The following HPSE2 variants were observed in gnomAD, a reference collection of about 807,000 sequenced individuals.
HPSE2 encodes the protein inactive heparanase-2.
Under a neutral mutation model 60.5 loss-of-function variants are expected in HPSE2, and 38 were observed. The ratio of observed to expected loss-of-function variants is 0.63; its 90% CI spans 0.48 to 0.82. The LOEUF (loss-of-function observed/expected upper bound fraction) is 0.82, where lower values mean the gene tolerates loss of function less well. HPSE2 is among the 40% of genes least tolerant of loss of function. The pLI, the probability that HPSE2 is intolerant of heterozygous loss-of-function variation, is 0.00. For missense variants in HPSE2, 713 were observed against 740.4 expected, an observed-to-expected ratio of 0.96 and a Z score of 0.43; for synonymous variants, 295 against 293.2, an observed-to-expected ratio of 1.01 and a Z score of -0.06.
At chr10:99,214,127 G>A (rs1005726609) in intron 2 of HPSE2, among the ~76,000 whole-genome samples, 4 of 152,084 alleles carry the variant, frequency 2.6e-5, no homozygotes, top group African/African-American at 9.7e-5. Context: ...ATTAGCCATC[G>A]GGGAATAAAA....
intron 5 of HPSE2, among the ~76,000 whole-genome samples, chr10:98,698,594 A>C (rs976334733): frequency 1.3e-3 from 196 of 152,294 alleles, no homozygotes; most frequent in Non-Finnish European, 2.4e-3. Context: ...GAAAAGCAAG[A>C]GCAAACACAT....
At chr10:98,823,382 G>A (rs1359397024) in intron 3 of HPSE2, among the ~76,000 whole-genome samples, 1 of 152,184 alleles carries the variant, frequency 6.6e-6, no homozygotes, top group African/African-American at 2.4e-5. Flanking sequence ...GCTTTGAGAG[G>A]CCAAGGCAGG....
At chr10:98,482,119 G>T (rs1941259081) in intron 11 of HPSE2, among the ~76,000 whole-genome samples, 1 of 152,160 alleles carries the variant, frequency 6.6e-6, no homozygotes, top group South Asian at 2.1e-4. Context: ...TTAGGGGCAG[G>T]ACAGACTCTT....
In HPSE2 at chr10:98,559,679, C is replaced by T. The variant is rs190959111; in HGVS notation, c.1320+55225G>A. On this transcript the variant is annotated intron_variant, in intron 9 of 11. Transcript: ENST00000370552. Reference sequence around the variant, plus strand: ...GAGCAGGTGAAGAGCAGGTGAATGACGGGATAGTCTTTGTCCTGAGGTCCC... The same window carrying T: ...GAGCAGGTGAAGAGCAGGTGAATGATGGGATAGTCTTTGTCCTGAGGTCCC... 5.3e-5 allele frequency among the ~76,000 whole-genome samples: 8 copies of T among 152,150 alleles called. No homozygotes were observed. In the East Asian group the frequency reaches 7.7e-4, roughly 15 times the overall value.
chr10:99,186,104 CCACACACACACACACA>C lies in HPSE2; in HGVS notation c.449-41721_449-41706del, dbSNP rs527839752. 9.9e-3 allele frequency among the ~76,000 whole-genome samples: 798 copies of C among 80,742 alleles called. 7 individuals carry two copies. Among genetic ancestry groups the C allele is most frequent in the Middle Eastern group, 0.036 (6 of 168 alleles). 53.0% of individuals were successfully genotyped at this position (80,742 alleles called of 152,430 possible). A position where few individuals can be genotyped will look rare whatever the true frequency, so the allele number is the denominator to read the frequency against. On this transcript the variant is annotated intron_variant, in intron 2 of 11. Transcript: ENST00000370552. Reference sequence around the variant, plus strand: ...TGATAACACTAAGCAGGATAAATAACCACACACACACACACACACACACACACACACACACACACAC... The same window carrying C: ...TGATAACACTAAGCAGGATAAATAACCACACACACACACACACACACACAC...
At chr10:98,939,053 C>T (rs1343428115) in intron 3 of HPSE2, among the ~76,000 whole-genome samples, 1 of 143,806 alleles carries the variant, frequency 7.0e-6, no homozygotes, top group Non-Finnish European at 1.5e-5. Flanking sequence ...TTTGTCACCA[C>T]CAGGCCTGCC....
rs970284327 is a variant in HPSE2, at chr10:98,463,847, G to A, written c.1614-4108C>T. The stretch of plus-strand genomic sequence containing the variant: ...AGAAAACATTTTTCAGGCCGAGTGC[G>A]GTGGTTCACGCCTGTAATCCCAGCA... On this transcript the variant is annotated intron_variant, in intron 11 of 11. Transcript: ENST00000370552. 4.6e-5 allele frequency among the ~76,000 whole-genome samples: 7 copies of A among 152,226 alleles called. No homozygotes were observed. The East Asian group carries it at 7.7e-4, about 17-fold the overall frequency.
intron 9 of HPSE2, among the ~76,000 whole-genome samples, chr10:98,544,232 C>T (rs918437304): frequency 5.9e-5 from 9 of 152,140 alleles, no homozygotes; most frequent in Non-Finnish European, 7.3e-5. Flanking sequence ...GAATGACTAC[C>T]GGGTACATAA....
chr10:98,819,011 C>G (rs1477733014), intron 3 of HPSE2, among the ~76,000 whole-genome samples: 2 of 152,186 alleles, frequency 1.3e-5, no homozygotes, highest in African/African-American at 4.8e-5. Flanking sequence ...CATAATAAAA[C>G]ATGGTACTTT....
At chr10:98,768,073 G>C (rs1007684037) in intron 3 of HPSE2, among the ~76,000 whole-genome samples, 3 of 151,810 alleles carry the variant, frequency 2.0e-5, no homozygotes, top group African/African-American at 7.3e-5. Context: ...TGTTATACTG[G>C]AAAATAATGG....
intron 2 of HPSE2, among the ~76,000 whole-genome samples, chr10:99,220,707 G>A (rs1029992731): frequency 2.0e-5 from 3 of 151,576 alleles, no homozygotes; most frequent in Non-Finnish European, 2.9e-5. Context: ...AGAGGCTGAG[G>A]CAGGAGAATC....
At chr10:98,830,573 T>TA (rs1951661960) in intron 3 of HPSE2, among the ~76,000 whole-genome samples, 1 of 152,182 alleles carries the variant, frequency 6.6e-6, no homozygotes, top group Admixed American at 6.5e-5. Context: ...TTATGCTTGA[T>TA]AGCTACTAAG....
intron 3 of HPSE2, among the ~76,000 whole-genome samples, chr10:99,143,409 A>G (rs1845935811): frequency 6.6e-6 from 1 of 152,236 alleles, no homozygotes; most frequent in African/African-American, 2.4e-5. Flanking sequence ...AGATGTTCAT[A>G]GCCTGTCAGA....
chr10:98,738,867 G>A (rs1045774116), intron 4 of HPSE2, among the ~76,000 whole-genome samples: 2 of 152,184 alleles, frequency 1.3e-5, no homozygotes, highest in Admixed American at 6.5e-5. Context: ...CTTTTACACT[G>A]TTGGTGGGAG....
At chr10:98,840,552 C>T (rs113855551) in intron 3 of HPSE2, among the ~76,000 whole-genome samples, 6 of 152,112 alleles carry the variant, frequency 3.9e-5, no homozygotes, top group African/African-American at 1.4e-4. Context: ...AGCAGGGAAG[C>T]GGGAAAAGCA....
chr10:99,108,107 T>C (rs1217926308), intron 3 of HPSE2, among the ~76,000 whole-genome samples: 1 of 152,198 alleles, frequency 6.6e-6, no homozygotes, highest in African/African-American at 2.4e-5. Context: ...CCATGCCTCC[T>C]CTTTGAAAGA....
At chr10:99,216,271 T>C (rs1188801092) in intron 2 of HPSE2, among the ~76,000 whole-genome samples, 2 of 144,444 alleles carry the variant, frequency 1.4e-5, no homozygotes, top group East Asian at 2.1e-4. Flanking sequence ...CTTGGCTCAC[T>C]GCAACTTCTA....
chr10:98,906,187 A>G (rs1016567040), intron 3 of HPSE2, among the ~76,000 whole-genome samples: 2 of 152,118 alleles, frequency 1.3e-5, no homozygotes, highest in African/African-American at 4.8e-5. Flanking sequence ...CCTCTGCCCA[A>G]TTCTGCTTTC....
chr10:99,076,005 A>G (rs1335874796), intron 3 of HPSE2, among the ~76,000 whole-genome samples: 2 of 152,142 alleles, frequency 1.3e-5, no homozygotes, highest in Non-Finnish European at 2.9e-5. Context: ...AGTAGTTCAA[A>G]CCACTTACAT....
Sources: allele counts gnomAD v4.1 joint callset (sites outside exome capture counted in the v4.1 genomes callset), GRCh38; gene constraint gnomAD v4.1.1; transcripts MANE v1.5; gene names NCBI Gene and HGNC (gene_info 2026-07-23, HGNC 2026-07-21).